Variants in SLC16A12 observed in about 807,000 individuals in gnomAD.
The protein encoded by SLC16A12 is monocarboxylate transporter 12.
SLC16A12 carries 17 observed loss-of-function variants against 42.4 expected under a neutral mutation model. The ratio of observed to expected loss-of-function variants is 0.40; its 90% CI spans 0.27 to 0.60. SLC16A12 has a LOEUF of 0.60. Among genes scored for constraint, SLC16A12 ranks in the 20% least tolerant of loss-of-function variants. The probability of loss-of-function intolerance (pLI) is 0.42; values close to 1 mark genes in which losing one functional copy is unlikely to be tolerated. For synonymous variants in SLC16A12, 224 were observed against 229.4 expected (o/e 0.98, Z 0.21); for missense variants, 544 against 623.0 (o/e 0.87, Z 1.35).
chr10:89,444,848 G>C (rs2133700306), intron 3 of SLC16A12, among the ~76,000 whole-genome samples: 1 of 152,340 alleles, frequency 6.6e-6, no homozygotes. Flanking sequence ...TCCTAGCTAA[G>C]GGAAGCTATG....
intron 7 of SLC16A12, among the ~76,000 whole-genome samples, chr10:89,434,414 G>T (rs1348182540): frequency 2.0e-5 from 3 of 152,178 alleles, no homozygotes; most frequent in Non-Finnish European, 2.9e-5. Context: ...GTTTCTAAAG[G>T]TTGGTGAGCA....
intron 2 of SLC16A12, among the ~76,000 whole-genome samples, chr10:89,521,144 C>A (rs1427518412): frequency 6.6e-6 from 1 of 152,178 alleles, no homozygotes; most frequent in African/African-American, 2.4e-5. Context: ...GACTTGATTG[C>A]CAGCCAAGGC....
At chr10:89,485,124 T>C (rs1332162765) in intron 2 of SLC16A12, among the ~76,000 whole-genome samples, 1 of 152,186 alleles carries the variant, frequency 6.6e-6, no homozygotes, top group Admixed American at 6.5e-5. Context: ...GGATCAGTCG[T>C]TGTCAACAAT....
intron 2 of SLC16A12, among the ~76,000 whole-genome samples, chr10:89,475,965 G>A (rs747830920): frequency 1.3e-5 from 2 of 152,150 alleles, no homozygotes; most frequent in Non-Finnish European, 2.9e-5. Context: ...ACTTCTGAGT[G>A]GTTGAATGTG....
At chr10:89,456,861 T>C (rs1842200508) in intron 3 of SLC16A12, among the ~76,000 whole-genome samples, 1 of 152,168 alleles carries the variant, frequency 6.6e-6, no homozygotes, top group African/African-American at 2.4e-5. Flanking sequence ...TCCATTCATG[T>C]CCCTGCAAAG....
chr10:89,445,600 G>A (rs952068411), intron 3 of SLC16A12, among the ~76,000 whole-genome samples: 2 of 152,110 alleles, frequency 1.3e-5, no homozygotes, highest in African/African-American at 4.8e-5. Flanking sequence ...CCATCTGTAG[G>A]TCACTAACAT....
chr10:89,508,263 A>G (rs1052044493), intron 2 of SLC16A12, among the ~76,000 whole-genome samples: 2 of 152,238 alleles, frequency 1.3e-5, no homozygotes, highest in Non-Finnish European at 2.9e-5. Flanking sequence ...CTCCAAATCA[A>G]TAGAATATAC....
chr10:89,466,474 T>A (rs1361492816), intron 2 of SLC16A12, among the ~76,000 whole-genome samples: 1 of 152,168 alleles, frequency 6.6e-6, no homozygotes, highest in African/African-American at 2.4e-5. Flanking sequence ...TTCTGCCTAC[T>A]TCACAGAATC....
At chr10:89,544,513 A>G (rs1843732236) in intron 2 of SLC16A12, among the ~76,000 whole-genome samples, 1 of 152,232 alleles carries the variant, frequency 6.6e-6, no homozygotes, top group Non-Finnish European at 1.5e-5. Context: ...TCAAACTTTT[A>G]TCTCATTATT....
chr10:89,430,522 G>T lies in SLC16A12; in HGVS notation c.*2542C>A, dbSNP rs1841678806. 4.8e-6 allele frequency: 2 copies of T among 415,100 alleles called. No individual in the cohort carries two copies. The highest frequency in any genetic ancestry group is 4.3e-5 in the African/African-American group (2 of 46,250). The allele number at this position is 415,100 out of a possible 1,614,324, so 25.7% of individuals were successfully genotyped here. A position where few individuals can be genotyped will look rare whatever the true frequency, so the allele number is the denominator to read the frequency against. ...TGTAAAATTATCCCACTATAATTTTGTTCTTGATTCCACAAAATACATCAT... is the reference window on the plus strand; with the variant it reads ...TGTAAAATTATCCCACTATAATTTTTTTCTTGATTCCACAAAATACATCAT... On this transcript the variant is annotated 3_prime_UTR_variant, in exon 8 of 8. Coordinates refer to ENST00000371790, the MANE Select transcript of SLC16A12 (RefSeq NM_213606.4).
chr10:89,442,193 C>T (rs187750852), intron 4 of SLC16A12, among the ~76,000 whole-genome samples: 2 of 152,230 alleles, frequency 1.3e-5, no homozygotes, highest in Non-Finnish European at 2.9e-5. Flanking sequence ...GTTACCTTCT[C>T]TGTTCATCAC....
intron 2 of SLC16A12, among the ~76,000 whole-genome samples, chr10:89,523,820 A>C (rs751129190): frequency 4.6e-5 from 7 of 152,244 alleles, no homozygotes; most frequent in Non-Finnish European, 8.8e-5. Context: ...GTGAAGCTAT[A>C]AAGAATACAT....
intron 3 of SLC16A12, among the ~76,000 whole-genome samples, chr10:89,446,411 T>A (rs1426794708): frequency 6.6e-6 from 1 of 152,234 alleles, no homozygotes; most frequent in African/African-American, 2.4e-5. Flanking sequence ...CAGATCTCTT[T>A]GCAGAAACCC....
intron 2 of SLC16A12, among the ~76,000 whole-genome samples, chr10:89,503,789 T>TGTA (rs1442522309): frequency 6.6e-6 from 1 of 152,204 alleles, no homozygotes; most frequent in Admixed American, 6.5e-5. Flanking sequence ...CAGAGGCCAC[T>TGTA]GTAGCCAGCT....
chr10:89,455,014 A>G (rs1292377004), intron 3 of SLC16A12, among the ~76,000 whole-genome samples: 1 of 152,192 alleles, frequency 6.6e-6, no homozygotes, highest in African/African-American at 2.4e-5. Flanking sequence ...TGACTAGAAG[A>G]CAAGGAAGTG....
chr10:89,499,860 A>C (rs552444023), intron 2 of SLC16A12, among the ~76,000 whole-genome samples: 6 of 152,182 alleles, frequency 3.9e-5, no homozygotes, highest in Non-Finnish European at 5.9e-5. Flanking sequence ...AAACAAAAGG[A>C]TGGTTCTCTG....
At chr10:89,481,818 C>A (rs1296079452) in intron 2 of SLC16A12, among the ~76,000 whole-genome samples, 1 of 151,928 alleles carries the variant, frequency 6.6e-6, no homozygotes, top group Non-Finnish European at 1.5e-5. Context: ...ATGAAAAAGT[C>A]CACTTTAGGA....
At chr10:89,434,189 A>T (rs1276921591) in intron 7 of SLC16A12, among the ~76,000 whole-genome samples, 3 of 152,208 alleles carry the variant, frequency 2.0e-5, no homozygotes, top group Non-Finnish European at 4.4e-5. Flanking sequence ...CAAATATTTT[A>T]GTTATTGTTT....
chr10:89,527,490 A>T (rs562041490), intron 2 of SLC16A12, among the ~76,000 whole-genome samples: 8 of 151,882 alleles, frequency 5.3e-5, no homozygotes, highest in East Asian at 3.9e-4. Flanking sequence ...CTCAAAAAAA[A>T]AATAATAAAA....
Sources: allele counts gnomAD v4.1 joint callset (sites outside exome capture counted in the v4.1 genomes callset), GRCh38; gene constraint gnomAD v4.1.1; transcripts MANE v1.5; gene names NCBI Gene and HGNC (gene_info 2026-07-23, HGNC 2026-07-21).